TSHZ3: variants seen among roughly 807,000 people sequenced by gnomAD.
TSHZ3 encodes the protein teashirt zinc finger homeobox 3.
A neutral mutation model predicts 64.5 loss-of-function variants in TSHZ3; 10 were observed. That is an observed-to-expected ratio of 0.16 (90% CI 0.10 to 0.26). The LOEUF (loss-of-function observed/expected upper bound fraction) is 0.26, where lower values mean the gene tolerates loss of function less well. TSHZ3 is among the 10% of genes least tolerant of loss of function. TSHZ3 has a pLI of 1.00. For synonymous variants in TSHZ3, 608 were observed against 593.1 expected (o/e 1.03, Z -0.36); for missense variants, 1,242 against 1,421.7 (o/e 0.87, Z 2.03).
intron 1 of TSHZ3, among the ~76,000 whole-genome samples, chr19:31,314,695 T>C (rs1916555939): frequency 6.6e-6 from 1 of 152,226 alleles, no homozygotes; most frequent in Non-Finnish European, 1.5e-5. Flanking sequence ...TTAATTAACT[T>C]TGTAGCCAGA....
chr19:31,183,248 T>C (rs1282021328), intron 5 of TSHZ3, among the ~76,000 whole-genome samples: 1 of 145,618 alleles, frequency 6.9e-6, no homozygotes, highest in Non-Finnish European at 1.5e-5. Context: ...CTCTCCATCC[T>C]TAGAGGACAA....
Position 31,150,030 on chromosome 19 carries a change from A to C in TSHZ3, n.2586T>G, listed in dbSNP as rs529832241. Among the ~76,000 whole-genome samples, 8 of 152,348 alleles carry C rather than the reference A, an allele frequency of 5.3e-5. No homozygotes were observed. In the South Asian group the frequency reaches 1.7e-3, roughly 32 times the overall value. Reference sequence around the variant, plus strand: ...ATTAAGTAAGTGGATTAGAGTCTGCACAGATGAAATCATGTGGAGGCTTTG... The same window carrying C: ...ATTAAGTAAGTGGATTAGAGTCTGCCCAGATGAAATCATGTGGAGGCTTTG... On this transcript the variant is annotated non_coding_transcript_exon_variant, in exon 7 of 7. Transcript: ENST00000651361.
intron 1 of TSHZ3, among the ~76,000 whole-genome samples, chr19:31,285,206 T>C (rs1489631516): frequency 6.6e-6 from 1 of 152,142 alleles, no homozygotes; most frequent in Non-Finnish European, 1.5e-5. Flanking sequence ...ATCGGCCAGG[T>C]GCAGTAGCTC....
intron 3 of TSHZ3, among the ~76,000 whole-genome samples, chr19:31,242,100 C>T (rs1975698275): frequency 6.6e-6 from 1 of 152,150 alleles, no homozygotes; most frequent in Non-Finnish European, 1.5e-5. Context: ...CTCTACTTAG[C>T]CAGTGACTTT....
chr19:31,348,976 G>T, intron 1 of TSHZ3: 1 of 598,626 alleles, frequency 1.7e-6, no homozygotes, highest in Non-Finnish European at 2.7e-6. Flanking sequence ...GGGTGCGAGA[G>T]GGAAGAGGGC....
At chr19:31,155,208 C>T (rs1014491266) in intron 6 of TSHZ3, among the ~76,000 whole-genome samples, 2 of 152,216 alleles carry the variant, frequency 1.3e-5, no homozygotes, top group Non-Finnish European at 2.9e-5. Flanking sequence ...AGACGTGATC[C>T]CATGCTCTCC....
chr19:31,294,606 T>C (rs1384637814), intron 1 of TSHZ3, among the ~76,000 whole-genome samples: 1 of 152,228 alleles, frequency 6.6e-6, no homozygotes, highest in African/African-American at 2.4e-5. Flanking sequence ...AATTTTTAAA[T>C]AATTTTGACT....
chr19:31,344,033 CCTGT>C (rs763033934), intron 1 of TSHZ3, among the ~76,000 whole-genome samples: 120 of 152,264 alleles, frequency 7.9e-4, no homozygotes, highest in African/African-American at 2.6e-3. Context: ...AAAATGACTG[CCTGT>C]CTATTGAGTC....
intron 1 of TSHZ3, among the ~76,000 whole-genome samples, chr19:31,266,214 T>G (rs1413329547): frequency 1.3e-5 from 2 of 152,178 alleles, no homozygotes; most frequent in Non-Finnish European, 2.9e-5. Flanking sequence ...GGAGAGAGAC[T>G]GTATCTCTCA....
intron 1 of TSHZ3, among the ~76,000 whole-genome samples, chr19:31,325,304 C>G (rs1240352288): frequency 6.6e-6 from 1 of 152,186 alleles, no homozygotes; most frequent in Non-Finnish European, 1.5e-5. Flanking sequence ...GTTTTCCCGT[C>G]CATCCAATGA....
intron 1 of TSHZ3, among the ~76,000 whole-genome samples, chr19:31,260,002 A>G (rs1249882336): frequency 6.6e-6 from 1 of 152,116 alleles, no homozygotes; most frequent in African/African-American, 2.4e-5. Flanking sequence ...CATCACTAGA[A>G]CAACTTCTAT....
At chr19:31,156,368 T>C (rs966007162) in exon 6 of TSHZ3, among the ~76,000 whole-genome samples, 22 of 152,204 alleles carry the variant, frequency 1.4e-4, no homozygotes, top group African/African-American at 5.3e-4. Flanking sequence ...TGTCTTTTCC[T>C]AAAGGCAGTA....
At chr19:31,268,456 G>A (rs1192572658) in intron 1 of TSHZ3, among the ~76,000 whole-genome samples, 1 of 152,086 alleles carries the variant, frequency 6.6e-6, no homozygotes, top group Non-Finnish European at 1.5e-5. Flanking sequence ...TAGGGGCTGG[G>A]AGGGTTGGGT....
chr19:31,177,753 T>C (rs8102512), intron 5 of TSHZ3, among the ~76,000 whole-genome samples: 95,077 of 152,112 alleles, frequency 0.63, 30,183 homozygotes, highest in African/African-American at 0.75. Context: ...ATCTAGAATA[T>C]AATAACTTGA....
chr19:31,274,072 G>A (rs374976486), downstream of TSHZ3, among the ~76,000 whole-genome samples: 151 of 152,024 alleles, frequency 9.9e-4, no homozygotes, highest in African/African-American at 2.7e-3. Context: ...GGGGATGAGC[G>A]GAAAAACCGT....
chr19:31,233,748 A>T (rs1975570691), intron 3 of TSHZ3, among the ~76,000 whole-genome samples: 1 of 152,186 alleles, frequency 6.6e-6, no homozygotes. Flanking sequence ...TTTCAAATTA[A>T]TTCTTCAAAA....
In TSHZ3 at chr19:31,172,561, C is replaced by A. The variant is rs745787404; in HGVS notation, n.810-16144G>T. 2.4e-4 allele frequency among the ~76,000 whole-genome samples: 37 copies of A among 152,182 alleles called. 1 individual carries two copies. The highest frequency in any genetic ancestry group is 3.2e-3 in the Middle Eastern group (1 of 316). ...TTCTTCAGCAGAGAACACACGCCAA[C>A]AGTGAACAAAACTGGGAAAACAATC... On this transcript the variant is annotated intron_variant and non_coding_transcript_variant, in intron 5 of 6. Transcript: ENST00000651361.
intron 1 of TSHZ3, among the ~76,000 whole-genome samples, chr19:31,280,498 G>A (rs551185236): frequency 9.2e-5 from 14 of 152,078 alleles, no homozygotes; most frequent in African/African-American, 3.1e-4. Flanking sequence ...ACACTCAGCC[G>A]TTCTCAGCCA....
intron 1 of TSHZ3, among the ~76,000 whole-genome samples, chr19:31,284,831 G>A (rs375842719): frequency 1.9e-4 from 29 of 152,112 alleles, no homozygotes; most frequent in South Asian, 4.1e-4. Context: ...CCTACCGTCC[G>A]GCCCAGAGTG....
Sources: gnomAD v4.1 joint callset for allele counts (sites outside exome capture counted in the v4.1 genomes callset) on GRCh38, gnomAD v4.1.1 for gene constraint, MANE v1.5 for transcripts, NCBI Gene and HGNC (gene_info 2026-07-23, HGNC 2026-07-21) for gene names.